Variants in STAT4 observed in about 807,000 individuals in gnomAD.
STAT4 encodes signal transducer and activator of transcription 4.
In STAT4, 42 loss-of-function variants were observed where a neutral mutation model predicts 110.5. The ratio of observed to expected loss-of-function variants is 0.38; its 90% CI spans 0.30 to 0.49. The LOEUF is 0.49. Among genes scored for constraint, STAT4 ranks in the 20% least tolerant of loss-of-function variants. STAT4 has a pLI of 0.95. For missense variants in STAT4, 632 were observed against 887.9 expected, an observed-to-expected ratio of 0.71 and a Z score of 3.66; for synonymous variants, 284 against 302.2, an observed-to-expected ratio of 0.94 and a Z score of 0.63.
chr2:191,119,913 C>T (rs1474967975), intron 3 of STAT4, among the ~76,000 whole-genome samples: 4 of 152,172 alleles, frequency 2.6e-5, no homozygotes, highest in Non-Finnish European at 5.9e-5. Context: ...AAGGGATGAT[C>T]ATTTCAAGAA....
Position 191,090,258 on chromosome 2 carries a change from T to A in STAT4, c.274-13933A>T, listed in dbSNP as rs949699320. Among the ~76,000 whole-genome samples, 2 of 152,194 alleles carry A rather than the reference T, an allele frequency of 1.3e-5. No homozygotes were observed. Among genetic ancestry groups the A allele is most frequent in the South Asian group, 4.1e-4 (2 of 4,824 alleles). On this transcript the variant is annotated intron_variant, in intron 3 of 23. Transcript: ENST00000392320. The surrounding 1 kb of genome is among the most constrained non-coding windows in gnomAD (Gnocchi z 4.2). The stretch of plus-strand genomic sequence containing the variant: ...AAATCCTTTTTATTTTCTGAAATTG[T>A]CTTACTAAAAAGTTTCAGTTCTCAT...
chr2:191,040,001 G>A (rs560563119), intron 15 of STAT4, among the ~76,000 whole-genome samples: 2 of 152,312 alleles, frequency 1.3e-5, no homozygotes, highest in Admixed American at 1.3e-4. Context: ...CAGAGGTTTA[G>A]GGAAAGGAGG....
chr2:191,129,909 A>G (rs1244106789), intron 3 of STAT4, among the ~76,000 whole-genome samples: 1 of 152,064 alleles, frequency 6.6e-6, no homozygotes, highest in East Asian at 1.9e-4. Flanking sequence ...TCAATTTAAT[A>G]TATATTATTT....
rs114425663 is a variant in STAT4, at chr2:191,042,184, C to T, written c.1252-1036G>A. ...CCCTAAGTCTACAGTTCTCAACACG[C>T]ACATAGAATTTTCAGGCTGTTTTTT... On this transcript the variant is annotated intron_variant, in intron 14 of 23. Coordinates refer to ENST00000392320, the MANE Select transcript of STAT4 (RefSeq NM_003151.4). The surrounding 1 kb of genome is among the most constrained non-coding windows in gnomAD (Gnocchi z 4.2). Among the ~76,000 whole-genome samples, 998 of 152,246 alleles carry T rather than the reference C, an allele frequency of 6.6e-3. 16 individuals carry two copies. Among genetic ancestry groups the T allele is most frequent in the African/African-American group, 0.023 (935 of 41,532 alleles).
chr2:191,109,641 T>C (rs143055084), intron 3 of STAT4, among the ~76,000 whole-genome samples: 2 of 152,258 alleles, frequency 1.3e-5, no homozygotes, highest in East Asian at 3.9e-4. Context: ...CTTTCAGTAG[T>C]GTAGGGAGAA....
intron 3 of STAT4, among the ~76,000 whole-genome samples, chr2:191,114,939 T>C (rs1161977130): frequency 2.0e-5 from 3 of 152,240 alleles, no homozygotes; most frequent in African/African-American, 7.2e-5. Flanking sequence ...CCATTGTTAT[T>C]TTTTTGTTTC....
rs1433066065 is a variant in STAT4, at chr2:191,042,528, A to AT, written c.1252-1381dup. On this transcript the variant is annotated intron_variant, in intron 14 of 23. Transcript: ENST00000392320. The surrounding 1 kb of genome is among the most constrained non-coding windows in gnomAD (Gnocchi z 4.2). ...TAGAGGAATTTGAACAAAAAATAGG[A>AT]TTTTATTAAGGAAGCATTTTAAAAA... 6.6e-6 allele frequency among the ~76,000 whole-genome samples: 1 copy of AT among 152,054 alleles called. No individual in the cohort carries two copies. Among genetic ancestry groups the AT allele is most frequent in the Admixed American group, 6.5e-5 (1 of 15,274 alleles).
Position 191,050,742 on chromosome 2 carries a change from T to C in STAT4, c.1251+3748A>G. Among the ~76,000 whole-genome samples the C allele has an allele frequency of 6.6e-6, 1 of 152,176 alleles. No individual in the cohort carries two copies. Among genetic ancestry groups the C allele is most frequent in the Admixed American group, 6.5e-5 (1 of 15,268 alleles). The stretch of plus-strand genomic sequence containing the variant: ...CCCCAACCCCCAGGGCAAATGGGGT[T>C]CCTGAGGTACCTCTTTGGCATCTCT... On this transcript the variant is annotated intron_variant, in intron 14 of 23. Coordinates refer to ENST00000392320, the MANE Select transcript of STAT4 (RefSeq NM_003151.4). The surrounding 1 kb of genome is among the most constrained non-coding windows in gnomAD (Gnocchi z 4.3).
At chr2:191,085,872 G>T (rs1376296678) in intron 3 of STAT4, among the ~76,000 whole-genome samples, 3 of 152,008 alleles carry the variant, frequency 2.0e-5, no homozygotes, top group Non-Finnish European at 4.4e-5. Flanking sequence ...TACTTTTTTT[G>T]TTTCAAACTT....
At chr2:191,109,107 G>C (rs1390110429) in intron 3 of STAT4, among the ~76,000 whole-genome samples, 1 of 152,156 alleles carries the variant, frequency 6.6e-6, no homozygotes, top group Admixed American at 6.5e-5. Flanking sequence ...CATTTTAGAT[G>C]TTTGCTGAGT....
At chr2:191,118,044 A>G (rs189507800) in intron 3 of STAT4, among the ~76,000 whole-genome samples, 8 of 152,350 alleles carry the variant, frequency 5.3e-5, no homozygotes, top group Admixed American at 5.2e-4. Context: ...TTTTTCATCT[A>G]TCAAACTGGC....
At chr2:191,148,538 T>C (rs1699513272) in intron 1 of STAT4, among the ~76,000 whole-genome samples, 2 of 152,186 alleles carry the variant, frequency 1.3e-5, no homozygotes, top group African/African-American at 2.4e-5. Flanking sequence ...CCCTATCTCT[T>C]GTCCCCTCAA....
rs191594904 is a variant in STAT4, at chr2:191,029,751, C to T, written c.*89G>A. On this transcript the variant is annotated 3_prime_UTR_variant, in exon 24 of 24. Coordinates refer to ENST00000392320, the MANE Select transcript of STAT4 (RefSeq NM_003151.4). This position sits in a 1 kb window ranked among gnomAD's most constrained non-coding sequence, Gnocchi z 4.5. ...TTCCTAGAACCTGGTATTTACAAAG[C>T]TGAAGAAATAAAATGTGGTTATTGG... is the stretch of plus-strand genomic sequence containing the variant. 1 of 1,219,350 alleles carries T rather than the reference C, an allele frequency of 8.2e-7. No homozygotes were observed. The highest frequency in any genetic ancestry group is 1.2e-6 in the Non-Finnish European group (1 of 845,996). 75.5% of individuals were successfully genotyped at this position (1,219,350 alleles called of 1,614,324 possible).
chr2:191,102,558 T>TGCTTTATG (rs1356357920), intron 3 of STAT4, among the ~76,000 whole-genome samples: 4 of 152,194 alleles, frequency 2.6e-5, no homozygotes, highest in Non-Finnish European at 4.4e-5. Context: ...GAATGAGCTC[T>TGCTTTATG]GCTTTATGCA....
intron 3 of STAT4, among the ~76,000 whole-genome samples, chr2:191,125,145 G>C (rs1698841537): frequency 6.6e-6 from 1 of 152,156 alleles, no homozygotes; most frequent in Admixed American, 6.5e-5. Flanking sequence ...ATGGAAACCT[G>C]GTAAGCTGTG....
In STAT4 at chr2:191,117,415, G is replaced by A. The variant is rs181413029; in HGVS notation, c.273+29198C>T. Among the ~76,000 whole-genome samples the A allele has an allele frequency of 2.6e-5, 4 of 152,154 alleles. No individual in the cohort carries two copies. The highest frequency in any genetic ancestry group is 1.9e-4 in the East Asian group (1 of 5,174). ...CATGATTATCTTCCAGAACATCCTC[G>A]GGCATTTCTTCTTGTCCTAAAATAA... On this transcript the variant is annotated intron_variant, in intron 3 of 23. Coordinates refer to ENST00000392320, the MANE Select transcript of STAT4 (RefSeq NM_003151.4). This position sits in a 1 kb window ranked among gnomAD's most constrained non-coding sequence, Gnocchi z 5.2.
chr2:191,144,505 T>C lies in STAT4; in HGVS notation c.273+2108A>G, dbSNP rs541675595. Among the ~76,000 whole-genome samples the C allele has an allele frequency of 1.3e-5, 2 of 152,086 alleles. No homozygotes were observed. Among genetic ancestry groups the C allele is most frequent in the Non-Finnish European group, 2.9e-5 (2 of 67,984 alleles). On this transcript the variant is annotated intron_variant, in intron 3 of 23. Transcript: ENST00000392320. The surrounding 1 kb of genome is among the most constrained non-coding windows in gnomAD (Gnocchi z 4.7). ...GGGATGTGGAGGAGCTCAAGGAAGATTGTTGGGAAAGGTCTAAAGAGGAAA... is the reference window on the plus strand; with the variant it reads ...GGGATGTGGAGGAGCTCAAGGAAGACTGTTGGGAAAGGTCTAAAGAGGAAA...
Position 191,032,826 on chromosome 2 carries a change from C to T in STAT4, c.2044+132G>A, listed in dbSNP as rs2125139549. The T allele has an allele frequency of 2.2e-6, 2 of 924,786 alleles. No homozygotes were observed. Among genetic ancestry groups the T allele is most frequent in the South Asian group, 1.8e-5 (1 of 54,958 alleles). The allele number at this position is 924,786 out of a possible 1,614,324, so 57.3% of individuals were successfully genotyped here. ...TACCACTTCATTTCTAAGGCTTTGA[C>T]CTCCACATGCCCTTAGATCTTACAG... is the stretch of plus-strand genomic sequence containing the variant. On this transcript the variant is annotated intron_variant, in intron 21 of 23. Transcript: ENST00000392320. This position sits in a 1 kb window ranked among gnomAD's most constrained non-coding sequence, Gnocchi z 4.9.
Position 191,032,817 on chromosome 2 carries a change from A to G in STAT4, c.2044+141T>C. The G allele has an allele frequency of 1.2e-6, 1 of 847,036 alleles. No individual in the cohort carries two copies. The highest frequency in any genetic ancestry group is 1.8e-6 in the Non-Finnish European group (1 of 563,078). The allele number at this position is 847,036 out of a possible 1,614,324, so 52.5% of individuals were successfully genotyped here. On this transcript the variant is annotated intron_variant, in intron 21 of 23. Coordinates refer to ENST00000392320, the MANE Select transcript of STAT4 (RefSeq NM_003151.4). The surrounding 1 kb of genome is among the most constrained non-coding windows in gnomAD (Gnocchi z 4.9). ...CTGCTGACATACCACTTCATTTCTAAGGCTTTGACCTCCACATGCCCTTAG... is the reference window on the plus strand; with the variant it reads ...CTGCTGACATACCACTTCATTTCTAGGGCTTTGACCTCCACATGCCCTTAG...
Sources: allele counts gnomAD v4.1 joint callset (sites outside exome capture counted in the v4.1 genomes callset), GRCh38; gene constraint gnomAD v4.1.1; non-coding constraint Gnocchi (gnomAD v3.1); transcripts MANE v1.5; gene names NCBI Gene and HGNC (gene_info 2026-07-23, HGNC 2026-07-21).